Variants in DNER observed in about 807,000 individuals in gnomAD.
The protein encoded by DNER is delta and Notch-like epidermal growth factor-related receptor.
Under a neutral mutation model 78.2 loss-of-function variants are expected in DNER, and 33 were observed. The ratio of observed to expected loss-of-function variants is 0.42; its 90% CI spans 0.32 to 0.56. DNER has a LOEUF of 0.56. Ranked by LOEUF, DNER falls within the 20% of genes least tolerant of loss-of-function variation. The probability of loss-of-function intolerance (pLI) is 0.11; values close to 1 mark genes in which losing one functional copy is unlikely to be tolerated. For synonymous variants in DNER, 417 were observed against 384.8 expected (o/e 1.08, Z -0.98); for missense variants, 918 against 975.3 (o/e 0.94, Z 0.78).
chr2:229,709,621 CA>C (rs924896717), intron 1 of DNER, among the ~76,000 whole-genome samples: 7 of 152,222 alleles, frequency 4.6e-5, no homozygotes, highest in Admixed American at 4.6e-4. Flanking sequence ...CATGGTTAAT[CA>C]GAAGAAAGGA....
At chr2:229,495,602 G>C (rs1199097481) in intron 6 of DNER, among the ~76,000 whole-genome samples, 1 of 152,156 alleles carries the variant, frequency 6.6e-6, no homozygotes, top group African/African-American at 2.4e-5. Flanking sequence ...GTTCTACTCA[G>C]GTCCTCAACC....
chr2:229,415,507 C>T (rs1030147), intron 9 of DNER, among the ~76,000 whole-genome samples: 43,162 of 152,046 alleles, frequency 0.28, 6,396 homozygotes, highest in South Asian at 0.36. Flanking sequence ...ATACAGAAGG[C>T]GGATCTACTT....
At chr2:229,494,544 C>A (rs567965058) in intron 6 of DNER, among the ~76,000 whole-genome samples, 53 of 152,360 alleles carry the variant, frequency 3.5e-4, no homozygotes, top group African/African-American at 1.0e-3. Context: ...GCCCTCCAGG[C>A]CCCTGGTGTG....
intron 10 of DNER, among the ~76,000 whole-genome samples, chr2:229,398,436 G>A (rs962214722): frequency 3.9e-5 from 6 of 152,018 alleles, no homozygotes; most frequent in Non-Finnish European, 7.4e-5. Flanking sequence ...AGAATTAATA[G>A]CAAATTGATA....
chr2:229,548,850 C>T (rs1178012150), intron 4 of DNER, among the ~76,000 whole-genome samples: 2 of 151,858 alleles, frequency 1.3e-5, no homozygotes, highest in African/African-American at 4.8e-5. Flanking sequence ...TAAACAAGGG[C>T]AAAATAATAA....
intron 8 of DNER, among the ~76,000 whole-genome samples, chr2:229,446,939 C>T (rs1574847035): frequency 1.3e-5 from 2 of 152,256 alleles, no homozygotes; most frequent in Non-Finnish European, 1.5e-5. Flanking sequence ...GTAAAAGATA[C>T]ACAACACAGT....
At chr2:229,524,415 A>G (rs1200310546) in intron 5 of DNER, among the ~76,000 whole-genome samples, 1 of 152,242 alleles carries the variant, frequency 6.6e-6, no homozygotes, top group Admixed American at 6.5e-5. Context: ...GAAAGCTCTA[A>G]AATGACACAA....
chr2:229,504,367 C>A (rs1395075701), intron 6 of DNER, among the ~76,000 whole-genome samples: 20 of 152,006 alleles, frequency 1.3e-4, no homozygotes, highest in Non-Finnish European at 5.9e-5. Context: ...TTACAGGCAC[C>A]CACCACCATG....
At chr2:229,688,623 C>T (rs208789) in intron 1 of DNER, among the ~76,000 whole-genome samples, 64,951 of 152,024 alleles carry the variant, frequency 0.43, 15,674 homozygotes, top group Non-Finnish European at 0.56. Context: ...AACACTAGGA[C>T]CTTTAAAAGC....
chr2:229,547,157 G>A (rs1696644414), intron 4 of DNER, 65 bp from the exon 5 acceptor site: 1 of 1,587,702 alleles, frequency 6.3e-7, no homozygotes, highest in Non-Finnish European at 8.6e-7. Flanking sequence ...TGTGTTGAAA[G>A]CTTTACCAAC....
At position 229,668,349 on chromosome 2, in the gene DNER, C is replaced by T. The variant is rs557236601; in HGVS notation, c.276+45799G>A. ...GTCAGAGAAACTGTGTGTATCACTT[C>T]GCGTCCCAGAAATTCAAGCAGCAGC... On this transcript the variant is annotated intron_variant, in intron 1 of 12. Coordinates refer to ENST00000341772, the MANE Select transcript of DNER (RefSeq NM_139072.4). Among the ~76,000 whole-genome samples the T allele has an allele frequency of 5.3e-5, 8 of 150,346 alleles. No homozygotes were observed. In the East Asian group the frequency reaches 1.6e-3, roughly 29 times the overall value.
intron 1 of DNER, among the ~76,000 whole-genome samples, chr2:229,693,857 C>T (rs1036608989): frequency 2.6e-5 from 4 of 152,172 alleles, no homozygotes. Flanking sequence ...AAGCCTGCTG[C>T]AGAAATTTGC....
At chr2:229,615,033 C>T (rs530044721) in intron 1 of DNER, among the ~76,000 whole-genome samples, 103 of 152,252 alleles carry the variant, frequency 6.8e-4, no homozygotes, top group Non-Finnish European at 1.1e-3. Flanking sequence ...TTTACAATAA[C>T]GACATAGTCA....
intron 1 of DNER, among the ~76,000 whole-genome samples, chr2:229,605,530 T>C (rs1697917849): frequency 6.6e-6 from 1 of 152,188 alleles, no homozygotes; most frequent in Admixed American, 6.5e-5. Flanking sequence ...GGGAAAACTG[T>C]CAGAAAAGTA....
chr2:229,554,931 AG>A (rs1696827713), intron 4 of DNER, among the ~76,000 whole-genome samples: 544 of 47,654 alleles, frequency 0.011, 14 homozygotes, highest in Middle Eastern at 0.022. Flanking sequence ...AGAAGAGAAG[AG>A]AAGAGAGAAA....
chr2:229,591,861 G>C lies in DNER; in HGVS notation c.304C>G (p.Pro102Ala), dbSNP rs952164344. 2 of 1,602,480 alleles carry C rather than the reference G, an allele frequency of 1.2e-6. No homozygotes were observed. The highest frequency in any genetic ancestry group is 1.7e-6 in the Non-Finnish European group (2 of 1,174,424). The change falls in exon 2 of 13, where the codon CCT becomes GCT. Residue 102 changes from proline to alanine, a missense_variant. By Grantham distance (27) the Pro-to-Ala change is conservative. Transcript: ENST00000341772. The surrounding 1 kb of genome is among the most constrained non-coding windows in gnomAD (Gnocchi z 4.6). ...QLVADPCASN[P>A]CHHGNCSSSS... is the part of the protein sequence containing the mutation. ...CTGCTGCAGTTGCCATGGTGACAAGGGTTGCTGGCACAAGGATCTGCAACA... is the reference window on the plus strand; with the variant it reads ...CTGCTGCAGTTGCCATGGTGACAAGCGTTGCTGGCACAAGGATCTGCAACA...
intron 11 of DNER, among the ~76,000 whole-genome samples, chr2:229,376,610 T>C (rs2106330369): frequency 6.6e-6 from 1 of 152,324 alleles, no homozygotes; most frequent in South Asian, 2.1e-4. Context: ...CCATGTGACA[T>C]TTTAAAAAGT....
chr2:229,407,361 C>T lies in DNER; in HGVS notation c.1610-16G>A. On this transcript the variant is annotated splice_polypyrimidine_tract_variant and intron_variant, in intron 9 of 12. Transcript: ENST00000341772. ...CAGTGTGTTCCTGCAGAGAAACAAGCAAAACAGGATGACTCATCCAGGACT... is the reference window on the plus strand; with the variant it reads ...CAGTGTGTTCCTGCAGAGAAACAAGTAAAACAGGATGACTCATCCAGGACT... 1.9e-6 allele frequency: 3 copies of T among 1,608,258 alleles called. No individual in the cohort carries two copies. Among genetic ancestry groups the T allele is most frequent in the African/African-American group, 2.7e-5 (2 of 74,934 alleles).
At chr2:229,624,507 T>A (rs55667324) in intron 1 of DNER, among the ~76,000 whole-genome samples, 34,268 of 150,260 alleles carry the variant, frequency 0.23, 4,399 homozygotes, top group African/African-American at 0.33. Flanking sequence ...AAAAAAAAAA[T>A]AGTTAAATAA....
Sources: allele counts gnomAD v4.1 joint callset (sites outside exome capture counted in the v4.1 genomes callset), GRCh38; gene constraint gnomAD v4.1.1; non-coding constraint Gnocchi (gnomAD v3.1); transcripts MANE v1.5; gene names NCBI Gene and HGNC (gene_info 2026-07-23, HGNC 2026-07-21).